Variants in CRB1 observed in about 807,000 individuals in gnomAD.
The protein encoded by CRB1 is protein crumbs homolog 1.
A neutral mutation model predicts 120.0 loss-of-function variants in CRB1; 83 were observed. The ratio of observed to expected loss-of-function variants is 0.69; its 90% CI spans 0.58 to 0.83. The LOEUF (loss-of-function observed/expected upper bound fraction) is 0.83. Ranked by LOEUF, CRB1 falls within the 40% of genes least tolerant of loss-of-function variation. The pLI is 0.00. For missense variants in CRB1, 1,699 were observed against 1,687.6 expected, an observed-to-expected ratio of 1.01 and a Z score of -0.12; for synonymous variants, 625 against 612.5, an observed-to-expected ratio of 1.02 and a Z score of -0.30.
At chr1:197,308,673 A>G (rs1657320303) in intron 1 of CRB1, among the ~76,000 whole-genome samples, 1 of 151,994 alleles carries the variant, frequency 6.6e-6, no homozygotes, top group African/African-American at 2.4e-5. Context: ...TTTATCTATT[A>G]GTTGTATGAT....
intron 11 of CRB1, among the ~76,000 whole-genome samples, chr1:197,467,671 G>A (rs892331012): frequency 1.3e-5 from 2 of 151,970 alleles, no homozygotes; most frequent in Non-Finnish European, 1.5e-5. Context: ...AAATCAATTG[G>A]CATATTTATC....
chr1:197,476,834 T>C (rs1166628191), intron 11 of CRB1, among the ~76,000 whole-genome samples: 1 of 152,198 alleles, frequency 6.6e-6, no homozygotes, highest in Non-Finnish European at 1.5e-5. Context: ...AGTTTAAAAA[T>C]TCAAACAGTA....
At chr1:197,266,538 T>C (rs1352196386), upstream of CRB1, among the ~76,000 whole-genome samples, 1 of 152,092 alleles carries the variant, frequency 6.6e-6, no homozygotes. Context: ...TGCTTGAAAA[T>C]TCAACGTAAA....
In CRB1 at chr1:197,415,787, C is replaced by T. The variant is rs540116054; in HGVS notation, c.1172-5213C>T. Among the ~76,000 whole-genome samples, 592 of 151,500 alleles carry T rather than the reference C, an allele frequency of 3.9e-3. 4 individuals carry two copies. The highest frequency in any genetic ancestry group is 0.012 in the African/African-American group (512 of 41,304). ...CCTCCTGAGTAGCTGGGACTACAGGCGCCCACCACCACACCTGGCTAATTT... is the reference window on the plus strand; with the variant it reads ...CCTCCTGAGTAGCTGGGACTACAGGTGCCCACCACCACACCTGGCTAATTT... On this transcript the variant is annotated intron_variant, in intron 5 of 11. Coordinates refer to ENST00000367400, the MANE Select transcript of CRB1 (RefSeq NM_201253.3).
chr1:197,373,154 A>G (rs1257106066), intron 5 of CRB1, among the ~76,000 whole-genome samples: 1 of 152,090 alleles, frequency 6.6e-6, no homozygotes, highest in Non-Finnish European at 1.5e-5. Context: ...TGCTCATACC[A>G]ATACCTTTTG....
At chr1:197,471,685 C>T (rs552805418) in intron 11 of CRB1, among the ~76,000 whole-genome samples, 18 of 152,284 alleles carry the variant, frequency 1.2e-4, no homozygotes, top group Admixed American at 1.2e-3. Flanking sequence ...TTATTTTCCC[C>T]TTATGACTGT....
chr1:197,445,397 T>C (rs1290235929), intron 11 of CRB1, among the ~76,000 whole-genome samples: 7 of 152,188 alleles, frequency 4.6e-5, no homozygotes, highest in Admixed American at 2.0e-4. Flanking sequence ...TAGGCAAATT[T>C]GGAAAAATCA....
At chr1:197,380,654 A>C (rs1257068605) in intron 5 of CRB1, among the ~76,000 whole-genome samples, 1 of 152,200 alleles carries the variant, frequency 6.6e-6, no homozygotes, top group Admixed American at 6.5e-5. Flanking sequence ...CTGGGCACTT[A>C]ACTTCAATCA....
the CRB1 span, among the ~76,000 whole-genome samples, chr1:197,226,267 T>C: frequency 1.3e-5 from 2 of 152,208 alleles, no homozygotes; most frequent in Non-Finnish European, 2.9e-5. Flanking sequence ...ACTTTGAATA[T>C]GTTATTAAGC....
At chr1:197,259,853 TAAAAC>T in the CRB1 span, among the ~76,000 whole-genome samples, 11 of 151,908 alleles carry the variant, frequency 7.2e-5, no homozygotes, top group East Asian at 1.9e-3. Flanking sequence ...GGCAAAAACT[TAAAAC>T]AAAGTTTCAG....
chr1:197,416,955 G>T (rs1037130894), intron 5 of CRB1, among the ~76,000 whole-genome samples: 1 of 152,124 alleles, frequency 6.6e-6, no homozygotes, highest in Non-Finnish European at 1.5e-5. Context: ...TGATCCACCC[G>T]CCTGGGCCTC....
intron 5 of CRB1, among the ~76,000 whole-genome samples, chr1:197,402,643 T>A (rs1408046228): frequency 6.6e-6 from 1 of 152,242 alleles, no homozygotes; most frequent in Non-Finnish European, 1.5e-5. Flanking sequence ...TTTTAAGGTC[T>A]AATTTCTGTT....
chr1:197,327,091 CAAAAAAAAAAAAAAAAAAAAAAAAAA>C (rs71131753), intron 1 of CRB1, among the ~76,000 whole-genome samples: 2 of 25,706 alleles, frequency 7.8e-5, no homozygotes, highest in African/African-American at 3.9e-4. Flanking sequence ...TCTCACACAC[CAAAAAAAAAAAAAAAAAAAAAAAAAA>C]AAAAAAAAAA....
chr1:197,367,108 T>C (rs1247080493), intron 5 of CRB1, among the ~76,000 whole-genome samples: 1 of 152,220 alleles, frequency 6.6e-6, no homozygotes, highest in Non-Finnish European at 1.5e-5. Context: ...AGGCCTGTAG[T>C]TGAATAATAC....
the CRB1 span, among the ~76,000 whole-genome samples, chr1:197,211,803 T>A: frequency 1.1e-5 from 1 of 91,162 alleles, no homozygotes; most frequent in Non-Finnish European, 2.8e-5. Context: ...TGCATCAATA[T>A]TAAAATTTTT....
At chr1:197,261,412 C>T in the CRB1 span, among the ~76,000 whole-genome samples, 5 of 152,076 alleles carry the variant, frequency 3.3e-5, no homozygotes, top group African/African-American at 1.2e-4. Flanking sequence ...TGAAATGCCG[C>T]GTGGCATTAA....
chr1:197,436,293 A>C (rs1184973066), intron 9 of CRB1, among the ~76,000 whole-genome samples: 5 of 152,132 alleles, frequency 3.3e-5, no homozygotes, highest in Non-Finnish European at 7.4e-5. Flanking sequence ...TAAATTTACT[A>C]TTCATTAGTG....
the CRB1 span, among the ~76,000 whole-genome samples, chr1:197,232,589 G>T: frequency 6.6e-6 from 1 of 152,152 alleles, no homozygotes; most frequent in Non-Finnish European, 1.5e-5. Context: ...ATCAAGAATA[G>T]ATGTCCAGAA....
intron 1 of CRB1, among the ~76,000 whole-genome samples, chr1:197,304,775 C>T (rs981289509): frequency 1.3e-5 from 2 of 152,186 alleles, no homozygotes; most frequent in African/African-American, 4.8e-5. Context: ...TGTCCACTCT[C>T]CAGCTACCTA....
Sources: allele counts gnomAD v4.1 joint callset (sites outside exome capture counted in the v4.1 genomes callset), GRCh38; gene constraint gnomAD v4.1.1; transcripts MANE v1.5; gene names NCBI Gene and HGNC (gene_info 2026-07-23, HGNC 2026-07-21).